The following FMN1 variants were observed in gnomAD, a reference collection of about 807,000 sequenced individuals.
FMN1 encodes the protein formin-1.
A neutral mutation model predicts 132.4 loss-of-function variants in FMN1; 110 were observed. That is an observed-to-expected ratio of 0.83 (90% CI 0.71 to 0.97). The LOEUF is 0.97. Among genes scored for constraint, FMN1 ranks in the 50% least tolerant of loss-of-function variants. The pLI, the probability that FMN1 is intolerant of heterozygous loss-of-function variation, is 0.00. For missense variants in FMN1, 1,792 were observed against 1,705.3 expected (o/e 1.05, Z -0.90); for synonymous variants, 722 against 651.7 (o/e 1.11, Z -1.64).
chr15:32,971,446 C>T (rs905678137), intron 7 of FMN1, among the ~76,000 whole-genome samples: 1 of 152,150 alleles, frequency 6.6e-6, no homozygotes, highest in African/African-American at 2.4e-5. Flanking sequence ...TAAGTAATTT[C>T]GAGCTTCACT....
intron 19 of FMN1, among the ~76,000 whole-genome samples, chr15:32,792,796 G>C (rs2057135582): frequency 1.3e-5 from 2 of 152,180 alleles, no homozygotes; most frequent in South Asian, 4.1e-4. Context: ...AGCAGCAATG[G>C]TAGCAGTAGA....
At chr15:33,150,948 T>G (rs551458699) in intron 4 of FMN1, 1 of 1,047,380 alleles carries the variant, frequency 9.5e-7, no homozygotes, top group African/African-American at 1.6e-5. Context: ...CTCTGAGCCC[T>G]CTTCTGGGTT....
chr15:33,046,862 C>T (rs2036710255), intron 6 of FMN1, among the ~76,000 whole-genome samples: 2 of 152,242 alleles, frequency 1.3e-5, no homozygotes, highest in Middle Eastern at 3.4e-3. Flanking sequence ...TGTAGCCAAT[C>T]TGGTGTGGTT....
intron 16 of FMN1, among the ~76,000 whole-genome samples, chr15:32,862,919 G>A (rs1470633356): frequency 6.6e-6 from 1 of 152,136 alleles, no homozygotes; most frequent in Non-Finnish European, 1.5e-5. Context: ...CCACAGTCCT[G>A]CGCCAGTTCT....
intron 17 of FMN1, among the ~76,000 whole-genome samples, chr15:32,823,750 A>C (rs1343971756): frequency 6.6e-6 from 1 of 152,212 alleles, no homozygotes; most frequent in Non-Finnish European, 1.5e-5. Context: ...TTTTAAAGGC[A>C]CTATGTGGAA....
chr15:32,835,076 A>G, intron 17 of FMN1, among the ~76,000 whole-genome samples: 1 of 152,228 alleles, frequency 6.6e-6, no homozygotes, highest in Non-Finnish European at 1.5e-5. Flanking sequence ...GCAGAGCAAC[A>G]TCAGAAAATC....
chr15:32,846,915 C>CA (rs2058870468), intron 17 of FMN1, among the ~76,000 whole-genome samples: 1 of 152,000 alleles, frequency 6.6e-6, no homozygotes, highest in African/African-American at 2.4e-5. Context: ...CTAGTTTTTC[C>CA]AAAACAAACT....
chr15:33,019,443 G>A (rs557087750), intron 6 of FMN1, among the ~76,000 whole-genome samples: 86 of 152,334 alleles, frequency 5.6e-4, no homozygotes, highest in African/African-American at 2.0e-3. Flanking sequence ...TCCTGCACCG[G>A]GGCCGCAGGT....
intron 4 of FMN1, among the ~76,000 whole-genome samples, chr15:33,126,705 A>T (rs952355528): frequency 1.3e-5 from 2 of 152,212 alleles, no homozygotes; most frequent in Admixed American, 6.5e-5. Context: ...GAAGGCAATA[A>T]AAGAGCAATC....
chr15:32,942,385 T>C (rs2061420005), intron 9 of FMN1, among the ~76,000 whole-genome samples: 1 of 152,230 alleles, frequency 6.6e-6, no homozygotes, highest in Non-Finnish European at 1.5e-5. Context: ...AGAATTCTTG[T>C]CAGGTCCAGT....
intron 9 of FMN1, among the ~76,000 whole-genome samples, chr15:32,940,348 C>T (rs2061372902): frequency 6.6e-6 from 1 of 152,082 alleles, no homozygotes; most frequent in East Asian, 1.9e-4. Flanking sequence ...CAACGGTCCT[C>T]ACAATACGCA....
chr15:32,984,191 A>AT (rs1383960325), intron 7 of FMN1, among the ~76,000 whole-genome samples: 5 of 151,778 alleles, frequency 3.3e-5, no homozygotes, highest in East Asian at 1.9e-4. Context: ...CAGCTTGAAG[A>AT]TTTTTTTTTA....
chr15:33,009,147 A>G (rs2034573677), intron 6 of FMN1, among the ~76,000 whole-genome samples: 1 of 152,194 alleles, frequency 6.6e-6, no homozygotes, highest in Non-Finnish European at 1.5e-5. Flanking sequence ...TCCATCAGAA[A>G]GTTCTGTGGG....
At chr15:33,110,285 T>C (rs2039650853) in intron 4 of FMN1, among the ~76,000 whole-genome samples, 1 of 152,032 alleles carries the variant, frequency 6.6e-6, no homozygotes, top group South Asian at 2.1e-4. Flanking sequence ...TGCAGAATTG[T>C]TCACAATAAC....
chr15:32,819,637 A>ATT (rs1230254185), intron 17 of FMN1, among the ~76,000 whole-genome samples: 1 of 152,208 alleles, frequency 6.6e-6, no homozygotes, highest in East Asian at 1.9e-4. Flanking sequence ...TTCCCACAAA[A>ATT]AAATTTAAAG....
At chr15:32,853,943 C>T (rs959788240) in intron 17 of FMN1, among the ~76,000 whole-genome samples, 9 of 152,148 alleles carry the variant, frequency 5.9e-5, no homozygotes, top group South Asian at 2.1e-4. Flanking sequence ...GGAAAGCCTA[C>T]GGAACATGCC....
chr15:32,840,106 C>A (rs1266139248), intron 17 of FMN1, among the ~76,000 whole-genome samples: 8 of 152,180 alleles, frequency 5.3e-5, no homozygotes, highest in Non-Finnish European at 2.9e-5. Flanking sequence ...GGGCTGGGGG[C>A]AGCTTGAGGT....
At chr15:32,868,623 ATC>A (rs1445626227) in intron 16 of FMN1, among the ~76,000 whole-genome samples, 1 of 152,222 alleles carries the variant, frequency 6.6e-6, no homozygotes, top group African/African-American at 2.4e-5. Context: ...CGTGAAAAAC[ATC>A]TCTCTTCATT....
chr15:33,011,800 G>C (rs1447138614), intron 6 of FMN1, among the ~76,000 whole-genome samples: 1 of 151,946 alleles, frequency 6.6e-6, no homozygotes, highest in Non-Finnish European at 1.5e-5. Context: ...ATCAACAGGC[G>C]CTCTAAAAAG....
Sources: allele counts gnomAD v4.1 joint callset (sites outside exome capture counted in the v4.1 genomes callset), GRCh38; gene constraint gnomAD v4.1.1; transcripts MANE v1.5; gene names NCBI Gene and HGNC (gene_info 2026-07-23, HGNC 2026-07-21).